GSK3B: variants seen among roughly 807,000 people sequenced by gnomAD.
GSK3B encodes the protein glycogen synthase kinase-3 beta.
GSK3B carries 15 observed loss-of-function variants against 56.4 expected under a neutral mutation model. The ratio of observed to expected loss-of-function variants is 0.27; its 90% CI spans 0.18 to 0.41. The LOEUF (loss-of-function observed/expected upper bound fraction) is 0.41, where lower values mean the gene tolerates loss of function less well. Ranked by LOEUF, GSK3B falls within the 10% of genes least tolerant of loss-of-function variation. GSK3B has a pLI of 1.00. For synonymous variants in GSK3B, 181 were observed against 188.9 expected (o/e 0.96, Z 0.34); for missense variants, 300 against 513.4 (o/e 0.58, Z 4.02).
intron 6 of GSK3B, among the ~76,000 whole-genome samples, chr3:119,911,951 A>G (rs144670017): frequency 6.6e-6 from 1 of 152,146 alleles, no homozygotes; most frequent in Non-Finnish European, 1.5e-5. Flanking sequence ...TCACTTTCTT[A>G]TCATTCATCT....
At chr3:119,948,397 T>C (rs1291743958) in intron 2 of GSK3B, among the ~76,000 whole-genome samples, 2 of 152,200 alleles carry the variant, frequency 1.3e-5, no homozygotes, top group South Asian at 2.1e-4. Flanking sequence ...CAGAAGTGAA[T>C]GTTCCTTTAA....
intron 2 of GSK3B, among the ~76,000 whole-genome samples, chr3:119,981,945 G>T (rs1189731933): frequency 1.3e-5 from 2 of 152,196 alleles, no homozygotes; most frequent in Non-Finnish European, 2.9e-5. Context: ...CCCAGTAGGG[G>T]CCAACAGACA....
At chr3:119,916,469 T>C (rs2056782417) in intron 4 of GSK3B, among the ~76,000 whole-genome samples, 1 of 152,224 alleles carries the variant, frequency 6.6e-6, no homozygotes, top group Non-Finnish European at 1.5e-5. Flanking sequence ...ACATCTCACA[T>C]TACAAGCCTG....
chr3:120,085,715 T>C (rs1000927342), intron 1 of GSK3B, among the ~76,000 whole-genome samples: 3 of 152,044 alleles, frequency 2.0e-5, no homozygotes, highest in Non-Finnish European at 2.9e-5. Context: ...GGCAGGGGAA[T>C]TCCTTGAACC....
chr3:119,972,798 T>C (rs2057379538), intron 2 of GSK3B, among the ~76,000 whole-genome samples: 1 of 152,190 alleles, frequency 6.6e-6, no homozygotes, highest in South Asian at 2.1e-4. Flanking sequence ...TTTGCAATTG[T>C]AGGACCTATG....
At chr3:119,998,473 C>T (rs2057645481) in intron 2 of GSK3B, among the ~76,000 whole-genome samples, 1 of 152,166 alleles carries the variant, frequency 6.6e-6, no homozygotes, top group African/African-American at 2.4e-5. Flanking sequence ...TGGTGAGAGG[C>T]CCTGGGCCAG....
intron 2 of GSK3B, among the ~76,000 whole-genome samples, chr3:119,970,883 T>C (rs1431398325): frequency 1.3e-5 from 2 of 152,180 alleles, no homozygotes; most frequent in Admixed American, 1.3e-4. Flanking sequence ...TTTCTGTAAA[T>C]ACTCTGATAG....
chr3:119,891,467 T>A (rs529723421), intron 7 of GSK3B, among the ~76,000 whole-genome samples: 1 of 152,240 alleles, frequency 6.6e-6, no homozygotes, highest in Admixed American at 6.5e-5. Context: ...TTCTACCTGA[T>A]TTACTCCAGC....
chr3:120,078,946 C>CT (rs57627812), intron 1 of GSK3B, among the ~76,000 whole-genome samples: 1 of 142,044 alleles, frequency 7.0e-6, no homozygotes, highest in South Asian at 2.2e-4. Flanking sequence ...CACACACACA[C>CT]TTTTTTTTCT....
chr3:120,025,101 G>A (rs1039214071), intron 1 of GSK3B, among the ~76,000 whole-genome samples: 1 of 152,138 alleles, frequency 6.6e-6, no homozygotes, highest in African/African-American at 2.4e-5. Flanking sequence ...GCTCATGTCT[G>A]TAATCCCAGT....
intron 4 of GSK3B, 106 bp downstream of exon 4, chr3:119,923,267 T>TC: frequency 1.9e-6 from 1 of 530,546 alleles, no homozygotes; most frequent in East Asian, 3.1e-5. Flanking sequence ...TTACAGTTTT[T>TC]CTCCCTGAGT....
chr3:120,052,980 G>A (rs1486714250), intron 1 of GSK3B, among the ~76,000 whole-genome samples: 1 of 152,138 alleles, frequency 6.6e-6, no homozygotes, highest in Non-Finnish European at 1.5e-5. Context: ...TTAGAGCTGG[G>A]ATTCTAAAGC....
intron 7 of GSK3B, among the ~76,000 whole-genome samples, chr3:119,881,524 A>G (rs1455051842): frequency 6.6e-6 from 1 of 152,130 alleles, no homozygotes; most frequent in Non-Finnish European, 1.5e-5. Flanking sequence ...AGAAATGCCC[A>G]CTCTTGAATC....
intron 10 of GSK3B, among the ~76,000 whole-genome samples, chr3:119,837,757 A>C (rs2055713565): frequency 6.6e-6 from 1 of 151,818 alleles, no homozygotes. Context: ...GTATTTGATT[A>C]GGAAAATGAT....
chr3:120,073,987 G>C (rs1559901752), intron 1 of GSK3B, among the ~76,000 whole-genome samples: 1 of 152,124 alleles, frequency 6.6e-6, no homozygotes, highest in African/African-American at 2.4e-5. Flanking sequence ...TGAAAGTGGA[G>C]ACATTACAAT....
chr3:119,984,083 G>A (rs1376230642), intron 2 of GSK3B, among the ~76,000 whole-genome samples: 2 of 152,184 alleles, frequency 1.3e-5, no homozygotes, highest in African/African-American at 4.8e-5. Context: ...CATGGAAACT[G>A]AACAACTTGC....
At chr3:119,937,089 A>G (rs531525631) in intron 3 of GSK3B, among the ~76,000 whole-genome samples, 3 of 152,274 alleles carry the variant, frequency 2.0e-5, no homozygotes, top group Non-Finnish European at 4.4e-5. Flanking sequence ...AAGGGAAACC[A>G]GAAAATTCAC....
At chr3:119,865,434 C>CAATA (rs2056163355) in intron 8 of GSK3B, among the ~76,000 whole-genome samples, 1 of 59,172 alleles carries the variant, frequency 1.7e-5, no homozygotes, top group East Asian at 4.4e-4. Flanking sequence ...AGCTTATTTC[C>CAATA]GATATATATA....
intron 3 of GSK3B, among the ~76,000 whole-genome samples, chr3:119,945,001 T>C (rs965447633): frequency 2.6e-5 from 4 of 152,132 alleles, no homozygotes; most frequent in Admixed American, 2.0e-4. Flanking sequence ...CACTCAACCC[T>C]AGAAAAGAAT....
Sources: allele counts gnomAD v4.1 joint callset (sites outside exome capture counted in the v4.1 genomes callset), GRCh38; gene constraint gnomAD v4.1.1; transcripts MANE v1.5; gene names NCBI Gene and HGNC (gene_info 2026-07-23, HGNC 2026-07-21).